DPP6: variants seen among roughly 807,000 people sequenced by gnomAD.
The protein encoded by DPP6 is A-type potassium channel modulatory protein DPP6.
DPP6 carries 69 observed loss-of-function variants against 122.6 expected under a neutral mutation model. That is an observed-to-expected ratio of 0.56 (90% CI 0.46 to 0.69). The LOEUF (loss-of-function observed/expected upper bound fraction) is 0.69, where lower values mean the gene tolerates loss of function less well. DPP6 is among the 30% of genes least tolerant of loss of function. The pLI is 0.00. For missense variants in DPP6, 928 were observed against 1,116.9 expected, an observed-to-expected ratio of 0.83 and a Z score of 2.41; for synonymous variants, 418 against 433.1, an observed-to-expected ratio of 0.97 and a Z score of 0.43.
At chr7:154,464,000 G>A (rs574459946) in intron 2 of DPP6, among the ~76,000 whole-genome samples, 2 of 152,288 alleles carry the variant, frequency 1.3e-5, no homozygotes, top group East Asian at 3.9e-4. Flanking sequence ...AAGTGTACTG[G>A]CTCTGAGCCA....
chr7:154,792,458 A>G (rs1335980734), intron 10 of DPP6, among the ~76,000 whole-genome samples: 1 of 152,214 alleles, frequency 6.6e-6, no homozygotes, highest in Non-Finnish European at 1.5e-5. Flanking sequence ...AGTGACATAT[A>G]TTTTTTTCTT....
At chr7:154,850,684 A>G (rs1358843803) in intron 16 of DPP6, among the ~76,000 whole-genome samples, 1 of 152,118 alleles carries the variant, frequency 6.6e-6, no homozygotes, top group African/African-American at 2.4e-5. Flanking sequence ...GGTAGATTAT[A>G]TGTTTTTAGG....
chr7:154,052,701 G>A lies in DPP6; in HGVS notation c.-120G>A. 8.2e-7 allele frequency: 1 copy of A among 1,223,132 alleles called. No homozygotes were observed. Among genetic ancestry groups the A allele is most frequent in the South Asian group, 1.6e-5 (1 of 60,782 alleles). The allele number at this position is 1,223,132 out of a possible 1,614,324, so 75.8% of individuals were successfully genotyped here. ...CTGGGCTTGCCTTGCTGCTGCTGCTGCTGCTGCCTCCCCACCGCCTTTTTT... is the reference window on the plus strand; with the variant it reads ...CTGGGCTTGCCTTGCTGCTGCTGCTACTGCTGCCTCCCCACCGCCTTTTTT... On this transcript the variant is annotated 5_prime_UTR_variant, in exon 1 of 26. Coordinates refer to ENST00000377770, the MANE Select transcript of DPP6 (RefSeq NM_130797.4). The surrounding 1 kb of genome is among the most constrained non-coding windows in gnomAD (Gnocchi z 4.8).
At chr7:154,208,569 C>T (rs947614769) in intron 1 of DPP6, among the ~76,000 whole-genome samples, 3 of 152,158 alleles carry the variant, frequency 2.0e-5, no homozygotes, top group Non-Finnish European at 4.4e-5. Context: ...CAGAATTGAT[C>T]GGCTGACTTA....
intron 6 of DPP6, 53 bp downstream of exon 6, chr7:154,637,926 G>A (rs1290613166): frequency 1.3e-6 from 2 of 1,537,332 alleles, no homozygotes; most frequent in East Asian, 4.9e-5. Context: ...GCAAAGTGAA[G>A]GGTAGAACAT....
chr7:154,310,897 G>A (rs1435638775), intron 1 of DPP6, among the ~76,000 whole-genome samples: 1 of 152,272 alleles, frequency 6.6e-6, no homozygotes, highest in African/African-American at 2.4e-5. Flanking sequence ...CCTGTGTTTG[G>A]CACTCACTGA....
At chr7:154,553,843 A>G (rs13239319) in intron 4 of DPP6, among the ~76,000 whole-genome samples, 88 of 151,370 alleles carry the variant, frequency 5.8e-4, no homozygotes, top group Non-Finnish European at 1.0e-3. Context: ...GGAGGCCACT[A>G]CATTTGCCCT....
At chr7:154,181,989 T>G (rs897051071) in intron 1 of DPP6, among the ~76,000 whole-genome samples, 14 of 152,166 alleles carry the variant, frequency 9.2e-5, no homozygotes, top group African/African-American at 3.4e-4. Flanking sequence ...CCTGACCTCA[T>G]GATCTGCCTG....
chr7:154,535,043 T>C (rs1309117059), intron 3 of DPP6, among the ~76,000 whole-genome samples: 1 of 148,998 alleles, frequency 6.7e-6, no homozygotes, highest in African/African-American at 2.5e-5. Context: ...GGATAGAAAG[T>C]CCAGAAAAAG....
At chr7:153,879,689 C>T in the DPP6 span, among the ~76,000 whole-genome samples, 1 of 152,080 alleles carries the variant, frequency 6.6e-6, no homozygotes, top group African/African-American at 2.4e-5. Flanking sequence ...GTGCCTGGTC[C>T]AAAATATCTC....
intron 1 of DPP6, among the ~76,000 whole-genome samples, chr7:153,982,743 T>TTGTTTATGTCGATGCTATTCCTTTC (rs1196904930): frequency 4.6e-5 from 7 of 152,200 alleles, no homozygotes; most frequent in Non-Finnish European, 1.0e-4. Flanking sequence ...GTCGTCCTTT[T>TTGTTTATGTCGATGCTATTCCTTTC]TGTTTATGTC....
chr7:153,991,429 A>G (rs1461356825), intron 1 of DPP6, among the ~76,000 whole-genome samples: 2 of 152,198 alleles, frequency 1.3e-5, no homozygotes, highest in Non-Finnish European at 2.9e-5. Flanking sequence ...AGCTATACAA[A>G]TTCCTTTGTA....
intron 1 of DPP6, among the ~76,000 whole-genome samples, chr7:154,071,940 C>T (rs1803147347): frequency 6.6e-6 from 1 of 152,130 alleles, no homozygotes. Context: ...CAGTTTTAAG[C>T]AAACAAATAC....
chr7:153,992,790 C>G (rs553158572), intron 1 of DPP6, among the ~76,000 whole-genome samples: 4 of 152,196 alleles, frequency 2.6e-5, no homozygotes, highest in African/African-American at 4.8e-5. Flanking sequence ...TCCAAAAAAG[C>G]TCTAAACGTT....
In DPP6 at chr7:154,766,742, T is replaced by C. The variant is rs184295139; in HGVS notation, c.884-2675T>C. Among the ~76,000 whole-genome samples, 96 of 152,350 alleles carry C rather than the reference T, an allele frequency of 6.3e-4. 1 individual carries two copies. The highest frequency in any genetic ancestry group is 2.2e-3 in the African/African-American group (92 of 41,604). ...GAAATAGAGTATTCTCAGCCCAGCC[T>C]TGTGGCCAGCCTTCACCCACATTTT... On this transcript the variant is annotated intron_variant, in intron 8 of 25. Coordinates refer to ENST00000377770, the MANE Select transcript of DPP6 (RefSeq NM_130797.4).
At chr7:153,884,257 GTT>G (rs1283886474), upstream of DPP6, among the ~76,000 whole-genome samples, 1 of 152,110 alleles carries the variant, frequency 6.6e-6, no homozygotes, top group Non-Finnish European at 1.5e-5. Context: ...GAAAACATGC[GTT>G]GTTTGGTTTT....
chr7:154,742,908 C>T (rs1434822019), intron 8 of DPP6, among the ~76,000 whole-genome samples: 1 of 152,182 alleles, frequency 6.6e-6, no homozygotes, highest in Non-Finnish European at 1.5e-5. Flanking sequence ...CCAGTCCCTC[C>T]TCCCCCAAAA....
chr7:154,346,013 G>T (rs1810365538), intron 1 of DPP6, among the ~76,000 whole-genome samples: 1 of 152,110 alleles, frequency 6.6e-6, no homozygotes, highest in South Asian at 2.1e-4. Flanking sequence ...GATTCTTTCT[G>T]TTACGTATCA....
Position 154,105,735 on chromosome 7 carries a change from G to C in DPP6, c.243+52672G>C, listed in dbSNP as rs576967596. Reference sequence around the variant, plus strand: ...GAGTTCCCCTGCACTTGCTGTCTTTGTCTGCTGCCGTGGAAGACGTGCCTT... The same window carrying C: ...GAGTTCCCCTGCACTTGCTGTCTTTCTCTGCTGCCGTGGAAGACGTGCCTT... On this transcript the variant is annotated intron_variant, in intron 1 of 25. Coordinates refer to ENST00000377770, the MANE Select transcript of DPP6 (RefSeq NM_130797.4). 5.3e-4 allele frequency among the ~76,000 whole-genome samples: 81 copies of C among 152,234 alleles called. No individual in the cohort carries two copies. The South Asian group carries it at 7.0e-3, about 13-fold the overall frequency.
Sources: allele counts gnomAD v4.1 joint callset (sites outside exome capture counted in the v4.1 genomes callset), GRCh38; gene constraint gnomAD v4.1.1; non-coding constraint Gnocchi (gnomAD v3.1); transcripts MANE v1.5; gene names NCBI Gene and HGNC (gene_info 2026-07-23, HGNC 2026-07-21).